Variants in SGCG observed in about 807,000 individuals in gnomAD.
SGCG encodes gamma-sarcoglycan.
A neutral mutation model predicts 29.3 loss-of-function variants in SGCG; 26 were observed. The ratio of observed to expected loss-of-function variants is 0.89; its 90% CI spans 0.65 to 1.23. The LOEUF (loss-of-function observed/expected upper bound fraction) is 1.23. Among genes scored for constraint, SGCG ranks in the 50% most tolerant of loss-of-function variants. The pLI is 0.00. For synonymous variants in SGCG, 145 were observed against 129.7 expected, an observed-to-expected ratio of 1.12 and a Z score of -0.80; for missense variants, 353 against 356.0, an observed-to-expected ratio of 0.99 and a Z score of 0.07.
At chr13:23,255,977 C>A (rs1480867157) in intron 4 of SGCG, among the ~76,000 whole-genome samples, 2 of 152,186 alleles carry the variant, frequency 1.3e-5, no homozygotes, top group Non-Finnish European at 2.9e-5. Context: ...GTCACTACTA[C>A]AACCAACATC....
intron 5 of SGCG, among the ~76,000 whole-genome samples, chr13:23,292,772 A>G (rs1000874547): frequency 1.3e-5 from 2 of 152,202 alleles, no homozygotes; most frequent in Admixed American, 1.3e-4. Flanking sequence ...GATGATTCAT[A>G]AAGCTCACTC....
intron 2 of SGCG, among the ~76,000 whole-genome samples, chr13:23,231,758 G>C (rs1593186552): frequency 1.3e-5 from 2 of 152,150 alleles, no homozygotes; most frequent in Non-Finnish European, 2.9e-5. Flanking sequence ...CCAAACAGCA[G>C]TTGTCAACCT....
chr13:23,187,755 T>C (rs1419504496), intron 1 of SGCG, among the ~76,000 whole-genome samples: 4 of 152,198 alleles, frequency 2.6e-5, no homozygotes, highest in African/African-American at 7.2e-5. Context: ...GAGGCCTTGG[T>C]GCATCTCACA....
At chr13:23,323,997 T>C (rs1243098607) in intron 7 of SGCG, among the ~76,000 whole-genome samples, 1 of 152,170 alleles carries the variant, frequency 6.6e-6, no homozygotes, top group African/African-American at 2.4e-5. Context: ...CAAATAATTC[T>C]GAAAGGCGTT....
At chr13:23,322,765 T>TCCCCCCCC (rs1189871837) in intron 7 of SGCG, among the ~76,000 whole-genome samples, 1,230 of 61,428 alleles carry the variant, frequency 0.02, 14 homozygotes, top group East Asian at 0.026. Flanking sequence ...CCCCCACCCA[T>TCCCCCCCC]CCACCTCCCC....
At chr13:23,203,509 T>C (rs1877851626) in intron 1 of SGCG, among the ~76,000 whole-genome samples, 186 bp from the exon 2 acceptor site, 1 of 152,378 alleles carries the variant, frequency 6.6e-6, no homozygotes, top group East Asian at 1.9e-4. Flanking sequence ...TCCCTGTGAT[T>C]GAAACACAGT....
At chr13:23,276,622 G>A (rs1435480463) in intron 4 of SGCG, among the ~76,000 whole-genome samples, 4 of 152,030 alleles carry the variant, frequency 2.6e-5, no homozygotes, top group Admixed American at 6.6e-5. Context: ...CAGCAGAAAC[G>A]GGGTTTCACC....
At chr13:23,234,488 G>A in intron 2 of SGCG, 123 bp from the exon 3 acceptor site, 1 of 591,306 alleles carries the variant, frequency 1.7e-6, no homozygotes, top group Non-Finnish European at 3.0e-6. Flanking sequence ...AATACACTAG[G>A]AGAAATGCAG....
intron 2 of SGCG, among the ~76,000 whole-genome samples, chr13:23,220,186 C>T (rs1159753556): frequency 1.3e-5 from 2 of 152,020 alleles, no homozygotes; most frequent in Non-Finnish European, 2.9e-5. Context: ...GGCGCAGTGG[C>T]TCACGTCTGT....
chr13:23,166,080 G>T, the SGCG span, among the ~76,000 whole-genome samples: 5 of 152,208 alleles, frequency 3.3e-5, no homozygotes, highest in East Asian at 3.9e-4. Flanking sequence ...ACAATGTTGA[G>T]AAGGAACGGT....
intron 1 of SGCG, among the ~76,000 whole-genome samples, chr13:23,197,016 G>C (rs1378303283): frequency 1.3e-5 from 2 of 152,174 alleles, no homozygotes; most frequent in Non-Finnish European, 2.9e-5. Flanking sequence ...AACTTGTATA[G>C]ACTGGATGCC....
At chr13:23,286,020 C>T (rs182102938) in intron 5 of SGCG, among the ~76,000 whole-genome samples, 4 of 152,290 alleles carry the variant, frequency 2.6e-5, no homozygotes, top group South Asian at 2.1e-4. Context: ...GCATTAATCT[C>T]GCTGGGAGCT....
intron 3 of SGCG, chr13:23,246,095 G>A (rs56257443): frequency 0.14 from 22,325 of 155,918 alleles, 1,927 homozygotes; most frequent in African/African-American, 0.24. Flanking sequence ...AGCAGCAGCA[G>A]CAACAACAAC....
the SGCG span, among the ~76,000 whole-genome samples, chr13:23,175,127 T>C: frequency 6.6e-6 from 1 of 152,110 alleles, no homozygotes; most frequent in Non-Finnish European, 1.5e-5. Flanking sequence ...TAGAACTACA[T>C]AGGAGAAAGG....
chr13:23,168,654 C>G, the SGCG span, among the ~76,000 whole-genome samples: 2 of 152,214 alleles, frequency 1.3e-5, no homozygotes, highest in Admixed American at 6.5e-5. Context: ...AAATCTATTA[C>G]TTTTCTGTCT....
At chr13:23,257,117 C>T (rs1013063823) in intron 4 of SGCG, among the ~76,000 whole-genome samples, 5 of 152,170 alleles carry the variant, frequency 3.3e-5, no homozygotes, top group Non-Finnish European at 7.3e-5. Flanking sequence ...ATTTGCATTT[C>T]TCTGATGACC....
chr13:23,257,245 T>A (rs147789506), intron 4 of SGCG, among the ~76,000 whole-genome samples: 152 of 152,272 alleles, frequency 1.0e-3, no homozygotes, highest in African/African-American at 3.7e-3. Context: ...TTTGTTTAAG[T>A]TCTTTGTAGA....
intron 1 of SGCG, among the ~76,000 whole-genome samples, chr13:23,190,225 A>G (rs1200156664): frequency 6.6e-6 from 1 of 151,302 alleles, no homozygotes; most frequent in Non-Finnish European, 1.5e-5. Flanking sequence ...GAGAGTCTTG[A>G]TTGATTGATA....
chr13:23,309,943 T>C lies in SGCG; in HGVS notation c.579-10694T>C, dbSNP rs149377672. ...TGAGCATATAATTATTCATAATTAT[T>C]CATAAATGTTTATGCTAAAAGCATG... is the stretch of plus-strand genomic sequence containing the variant. On this transcript the variant is annotated intron_variant, in intron 6 of 7. Transcript: ENST00000218867. Among the ~76,000 whole-genome samples, 1,417 of 152,290 alleles carry C rather than the reference T, an allele frequency of 9.3e-3. 23 individuals are homozygous for C. Among genetic ancestry groups the C allele is most frequent in the African/African-American group, 0.032 (1,348 of 41,554 alleles).
Sources: gnomAD v4.1 joint callset for allele counts (sites outside exome capture counted in the v4.1 genomes callset) on GRCh38, gnomAD v4.1.1 for gene constraint, MANE v1.5 for transcripts, NCBI Gene and HGNC (gene_info 2026-07-23, HGNC 2026-07-21) for gene names.